The following GNG7 variants were observed in gnomAD, a reference collection of about 807,000 sequenced individuals.
GNG7 encodes guanine nucleotide-binding protein G(I)/G(S)/G(O) subunit gamma-7.
In GNG7, 1 loss-of-function variant was observed where a neutral mutation model predicts 4.0. That is an observed-to-expected ratio of 0.25 (90% CI 0.09 to 1.18). GNG7 has a LOEUF of 1.18. Ranked by LOEUF, GNG7 falls within the 50% of genes most tolerant of loss-of-function variation. The pLI, the probability that GNG7 is intolerant of heterozygous loss-of-function variation, is 0.50. For synonymous variants in GNG7, 34 were observed against 36.9 expected (o/e 0.92, Z 0.29); for missense variants, 86 against 91.9 (o/e 0.94, Z 0.26).
intron 1 of GNG7, chr19:2,700,585 A>G (rs1019907855): frequency 6.6e-6 from 1 of 152,202 alleles, no homozygotes; most frequent in Non-Finnish European, 1.5e-5. Flanking sequence ...CAAACCCACC[A>G]AAGAAAAAAA....
intron 1 of GNG7, among the ~76,000 whole-genome samples, chr19:2,647,323 C>T (rs112100683): frequency 0.041 from 6,200 of 152,252 alleles, 429 homozygotes; most frequent in African/African-American, 0.14. Context: ...CAGCTCGCTG[C>T]TGGGGATGTG....
intron 1 of GNG7, among the ~76,000 whole-genome samples, chr19:2,667,718 C>A (rs1473658161): frequency 6.6e-6 from 1 of 152,156 alleles, no homozygotes; most frequent in Non-Finnish European, 1.5e-5. Context: ...AGTTCAAGAC[C>A]AGCCTGGCCA....
intron 2 of GNG7, among the ~76,000 whole-genome samples, chr19:2,603,098 C>T (rs893340795): frequency 3.3e-5 from 5 of 150,222 alleles, no homozygotes; most frequent in African/African-American, 4.9e-5. Flanking sequence ...TGGAGTTTCG[C>T]TCTTGTTGCC....
At chr19:2,563,672 G>A (rs998383105) in intron 2 of GNG7, among the ~76,000 whole-genome samples, 1 of 152,012 alleles carries the variant, frequency 6.6e-6, no homozygotes, top group African/African-American at 2.4e-5. Flanking sequence ...AGTAGAGATG[G>A]GGTTTCGCCA....
rs924371749 is a variant in GNG7, at chr19:2,611,456, C to T, written c.-78+34768G>A. On this transcript the variant is annotated intron_variant, in intron 2 of 4. Coordinates refer to ENST00000382159, the MANE Select transcript of GNG7 (RefSeq NM_052847.3). The surrounding 1 kb of genome is among the most constrained non-coding windows in gnomAD (Gnocchi z 6.0). ...TCCCAGGACCGTGGCAGGAGGGGGT[C>T]CCGTCCTGCGTGGGGCTTGAAGGCA... 1 of 152,192 alleles carries T rather than the reference C, an allele frequency of 6.6e-6. No homozygotes were observed. The highest frequency in any genetic ancestry group is 6.5e-5 in the Admixed American group (1 of 15,280). The allele number at this position is 152,192 out of a possible 1,614,324, so 9.4% of individuals were successfully genotyped here. A position where few individuals can be genotyped will look rare whatever the true frequency, so the allele number is the denominator to read the frequency against.
intron 1 of GNG7, among the ~76,000 whole-genome samples, chr19:2,656,353 C>T (rs1291736523): frequency 6.6e-6 from 1 of 152,200 alleles, no homozygotes; most frequent in African/African-American, 2.4e-5. Context: ...CCTGTCATCC[C>T]AGCACTTTGG....
intron 1 of GNG7, among the ~76,000 whole-genome samples, chr19:2,658,189 C>T (rs971037199): frequency 3.3e-5 from 5 of 152,106 alleles, no homozygotes; most frequent in African/African-American, 9.7e-5. Flanking sequence ...CCCACAGACC[C>T]TATAGGGCTG....
intron 2 of GNG7, among the ~76,000 whole-genome samples, chr19:2,580,330 G>A (rs1324240019): frequency 7.2e-6 from 1 of 139,062 alleles, no homozygotes; most frequent in Non-Finnish European, 1.5e-5. Context: ...TCACTCTGTT[G>A]CCCAGGCTGG....
chr19:2,525,404 A>G (rs1276760278), intron 3 of GNG7, among the ~76,000 whole-genome samples: 2 of 152,216 alleles, frequency 1.3e-5, no homozygotes, highest in Admixed American at 6.5e-5. Context: ...CCTCCTAGCA[A>G]AAGGCTCATA....
chr19:2,526,437 A>G (rs892240270), intron 3 of GNG7, among the ~76,000 whole-genome samples: 34 of 120,810 alleles, frequency 2.8e-4, no homozygotes, highest in Non-Finnish European at 4.4e-4. Context: ...CTTATACTAT[A>G]TTATACTATA....
intron 2 of GNG7, among the ~76,000 whole-genome samples, chr19:2,602,135 G>A (rs549516527): frequency 6.6e-6 from 1 of 152,128 alleles, no homozygotes; most frequent in Non-Finnish European, 1.5e-5. Flanking sequence ...TCAGGAGTTC[G>A]AGACCAGCCT....
rs982853424 is a variant in GNG7, at chr19:2,513,056, G to A, written c.*1966C>T. Reference sequence around the variant, plus strand: ...CCGGACCTGCCGTAGAGAGCTGGGTGCCGGGGGTGGGGAGCCCGGCTGTGG... The same window carrying A: ...CCGGACCTGCCGTAGAGAGCTGGGTACCGGGGGTGGGGAGCCCGGCTGTGG... On this transcript the variant is annotated 3_prime_UTR_variant, in exon 5 of 5. Transcript: ENST00000382159. 4 of 985,436 alleles carry A rather than the reference G, an allele frequency of 4.1e-6. No homozygotes were observed. The African/African-American group carries it at 7.0e-5, about 17-fold the overall frequency. 61.0% of individuals were successfully genotyped at this position (985,436 alleles called of 1,614,324 possible). A position where few individuals can be genotyped will look rare whatever the true frequency, so the allele number is the denominator to read the frequency against.
chr19:2,642,621 C>A (rs1982538443), intron 2 of GNG7: 1 of 365,360 alleles, frequency 2.7e-6, no homozygotes, highest in East Asian at 7.3e-5. Flanking sequence ...CCCACTTCAG[C>A]CCCCCACTAG....
At chr19:2,667,771 C>T (rs571691643) in intron 1 of GNG7, among the ~76,000 whole-genome samples, 7 of 152,078 alleles carry the variant, frequency 4.6e-5, no homozygotes, top group South Asian at 4.1e-4. Flanking sequence ...AAAAATAGGC[C>T]GGGCATGGTG....
At chr19:2,607,576 A>AAAG (rs1555697436) in intron 2 of GNG7, among the ~76,000 whole-genome samples, 4 of 72,732 alleles carry the variant, frequency 5.5e-5, no homozygotes, top group African/African-American at 1.4e-4. Context: ...AAAAAAAAAA[A>AAAG]AAAGAAAGAA....
At chr19:2,636,007 G>T (rs1441830170) in intron 2 of GNG7, among the ~76,000 whole-genome samples, 1 of 152,236 alleles carries the variant, frequency 6.6e-6, no homozygotes, top group East Asian at 1.9e-4. Flanking sequence ...TCAGCAGCCT[G>T]CAGTGCCCAG....
At chr19:2,517,396 A>G (rs1049288371) in intron 4 of GNG7, among the ~76,000 whole-genome samples, 1 of 151,442 alleles carries the variant, frequency 6.6e-6, no homozygotes, top group East Asian at 1.9e-4. Flanking sequence ...ACAGAGTCTC[A>G]CTCTGTCAGC....
chr19:2,581,842 T>C (rs1427093585), intron 2 of GNG7, among the ~76,000 whole-genome samples: 3 of 152,120 alleles, frequency 2.0e-5, no homozygotes, highest in Non-Finnish European at 4.4e-5. Flanking sequence ...GTTGCTCAAT[T>C]TGTGTTAGAG....
chr19:2,615,454 GTTTTTTT>G (rs56036626), intron 2 of GNG7, among the ~76,000 whole-genome samples: 212 of 48,844 alleles, frequency 4.3e-3, no homozygotes, highest in African/African-American at 0.016. Context: ...GTCTTTTCCG[GTTTTTTT>G]TTTTTTTTTT....
Sources: allele counts gnomAD v4.1 joint callset (sites outside exome capture counted in the v4.1 genomes callset), GRCh38; gene constraint gnomAD v4.1.1; non-coding constraint Gnocchi (gnomAD v3.1); transcripts MANE v1.5; gene names NCBI Gene and HGNC (gene_info 2026-07-23, HGNC 2026-07-21).